EXOC5: variants seen among roughly 807,000 people sequenced by gnomAD.
EXOC5 encodes SEC10-like 1.
Under a neutral mutation model 90.8 loss-of-function variants are expected in EXOC5, and 17 were observed. That is an observed-to-expected ratio of 0.19 (90% CI 0.13 to 0.28). The LOEUF (loss-of-function observed/expected upper bound fraction) is 0.28. Among genes scored for constraint, EXOC5 ranks in the 10% least tolerant of loss-of-function variants. The probability of loss-of-function intolerance (pLI) is 1.00; values close to 1 mark genes in which losing one functional copy is unlikely to be tolerated. For missense variants in EXOC5, 569 were observed against 830.6 expected, an observed-to-expected ratio of 0.69 and a Z score of 3.87; for synonymous variants, 260 against 270.0, an observed-to-expected ratio of 0.96 and a Z score of 0.36.
intron 11 of EXOC5, 140 bp downstream of exon 11, chr14:57,231,366 G>T: frequency 3.2e-6 from 2 of 624,810 alleles, no homozygotes; most frequent in Non-Finnish European, 2.8e-6. Flanking sequence ...AACAAGATTT[G>T]ATCAATAATA....
chr14:57,216,279 G>A (rs376251249), intron 15 of EXOC5, among the ~76,000 whole-genome samples: 84 of 133,380 alleles, frequency 6.3e-4, no homozygotes, highest in African/African-American at 8.9e-4. Context: ...CACAGAAATA[G>A]AAAAAAAAAA....
chr14:57,223,356 T>A (rs1448496015), intron 12 of EXOC5, among the ~76,000 whole-genome samples: 1 of 152,120 alleles, frequency 6.6e-6, no homozygotes, highest in East Asian at 1.9e-4. Context: ...CTATTTGTAG[T>A]CTTAATTCAT....
At chr14:57,210,142 T>C in intron 15 of EXOC5, 81 bp from the exon 16 acceptor site, 1 of 635,386 alleles carries the variant, frequency 1.6e-6, no homozygotes, top group South Asian at 2.2e-5. Flanking sequence ...TTATGCTAAA[T>C]TAAATCAGTT....
intron 1 of EXOC5, among the ~76,000 whole-genome samples, chr14:57,255,328 T>A (rs1334863053): frequency 6.6e-6 from 1 of 152,188 alleles, no homozygotes; most frequent in African/African-American, 2.4e-5. Context: ...AATATTTTAC[T>A]TTGATAGAAG....
At chr14:57,230,061 T>C (rs1400864438) in intron 11 of EXOC5, among the ~76,000 whole-genome samples, 180 bp from the exon 12 acceptor site, 10 of 152,140 alleles carry the variant, frequency 6.6e-5, no homozygotes. Flanking sequence ...AAACGGAAGA[T>C]TTTCATCTGA....
chr14:57,265,240 G>A (rs1884633842), intron 1 of EXOC5, among the ~76,000 whole-genome samples: 1 of 151,632 alleles, frequency 6.6e-6, no homozygotes, highest in East Asian at 1.9e-4. Context: ...AACTTAAAAG[G>A]TACTCAACAA....
intron 1 of EXOC5, among the ~76,000 whole-genome samples, chr14:57,257,426 C>G (rs1884379939): frequency 6.6e-6 from 1 of 152,122 alleles, no homozygotes; most frequent in Admixed American, 6.6e-5. Context: ...TTTGAATCAT[C>G]AACATATAGA....
intron 1 of EXOC5, among the ~76,000 whole-genome samples, chr14:57,266,287 T>C (rs1290535413): frequency 6.6e-6 from 1 of 152,146 alleles, no homozygotes; most frequent in African/African-American, 2.4e-5. Flanking sequence ...TACTACAACC[T>C]AGATGCTATG....
chr14:57,249,445 T>C (rs1262920645), intron 1 of EXOC5, among the ~76,000 whole-genome samples: 2 of 152,060 alleles, frequency 1.3e-5, no homozygotes, highest in African/African-American at 4.8e-5. Context: ...TTTTATTAAA[T>C]GACATACACT....
intron 11 of EXOC5, among the ~76,000 whole-genome samples, chr14:57,230,890 C>G (rs1883462296): frequency 6.6e-6 from 1 of 151,076 alleles, no homozygotes; most frequent in East Asian, 1.9e-4. Context: ...TGGTCAATAA[C>G]CTGGAACTTA....
intron 7 of EXOC5, among the ~76,000 whole-genome samples, chr14:57,235,405 T>C (rs1414229163): frequency 6.6e-6 from 1 of 152,110 alleles, no homozygotes. Flanking sequence ...ACCTATATTA[T>C]AATATGTGGA....
At chr14:57,262,314 G>A (rs1431246987) in intron 1 of EXOC5, among the ~76,000 whole-genome samples, 1 of 152,034 alleles carries the variant, frequency 6.6e-6, no homozygotes, top group Admixed American at 6.6e-5. Context: ...AGAAAACTGA[G>A]GTACAAAGAG....
intron 1 of EXOC5, among the ~76,000 whole-genome samples, chr14:57,258,252 G>A (rs1195813745): frequency 2.6e-5 from 4 of 152,102 alleles, no homozygotes; most frequent in Admixed American, 2.0e-4. Flanking sequence ...GCACACGTAC[G>A]TTTACTGCAG....
In EXOC5 at chr14:57,203,721, A is replaced by C. The variant is rs1882564690; in HGVS notation, c.*4888T>G. On this transcript the variant is annotated 3_prime_UTR_variant, in exon 18 of 18. Transcript: ENST00000621441. ...AAAGTAAACTTAATTCCAGTTTCAG[A>C]CTTTTAAATTAAAAGTGGCTCAGTT... The C allele has an allele frequency of 6.6e-6, 1 of 152,598 alleles. No individual in the cohort carries two copies. The highest frequency in any genetic ancestry group is 1.5e-5 in the Non-Finnish European group (1 of 68,036). The allele number at this position is 152,598 out of a possible 1,614,324, so 9.5% of individuals were successfully genotyped here. A position where few individuals can be genotyped will look rare whatever the true frequency, so the allele number is the denominator to read the frequency against.
intron 1 of EXOC5, among the ~76,000 whole-genome samples, chr14:57,258,962 A>C (rs531295105): frequency 6.8e-4 from 104 of 152,286 alleles, no homozygotes; most frequent in African/African-American, 2.4e-3. Flanking sequence ...TAAACCAACT[A>C]ACCCATCGGT....
chr14:57,248,648 T>C (rs1884095994), intron 1 of EXOC5, among the ~76,000 whole-genome samples: 1 of 152,104 alleles, frequency 6.6e-6, no homozygotes, highest in African/African-American at 2.4e-5. Flanking sequence ...CTTTTCATAC[T>C]ACCCTCTTTC....
rs3742577 is a variant in EXOC5 at position 57,205,822 on chromosome 14, T to A, written c.*2787A>T. 1 of 440,984 alleles carries A rather than the reference T, an allele frequency of 2.3e-6. No homozygotes were observed. The highest frequency in any genetic ancestry group is 2.1e-5 in the African/African-American group (1 of 48,780). The allele number at this position is 440,984 out of a possible 1,614,324, so 27.3% of individuals were successfully genotyped here. A position where few individuals can be genotyped will look rare whatever the true frequency, so the allele number is the denominator to read the frequency against. ...TAGATTTTAATTTAACCTACTTTGA[T>A]AGTTTTTTAAAACAAGGAAGATCCT... On this transcript the variant is annotated 3_prime_UTR_variant, in exon 18 of 18. Transcript: ENST00000621441.
chr14:57,231,398 C>T, intron 11 of EXOC5, 108 bp downstream of exon 11: 1 of 703,984 alleles, frequency 1.4e-6, no homozygotes, highest in Non-Finnish European at 2.4e-6. Context: ...ATTAAAAGAA[C>T]TCTTCACAGA....
At chr14:57,240,387 T>G (rs919416667) in intron 4 of EXOC5, among the ~76,000 whole-genome samples, 1 of 152,162 alleles carries the variant, frequency 6.6e-6, no homozygotes, top group Non-Finnish European at 1.5e-5. Context: ...GTTCAAGTGA[T>G]TCTCCTGTCT....
Sources: allele counts gnomAD v4.1 joint callset (sites outside exome capture counted in the v4.1 genomes callset), GRCh38; gene constraint gnomAD v4.1.1; transcripts MANE v1.5; gene names NCBI Gene and HGNC (gene_info 2026-07-23, HGNC 2026-07-21).